Variants in INVS observed in about 807,000 individuals in gnomAD.
INVS encodes inversion of embryo turning homolog.
INVS carries 86 observed loss-of-function variants against 108.8 expected under a neutral mutation model. The observed-to-expected ratio is 0.79, with a 90% CI of 0.66 to 0.95. The LOEUF (loss-of-function observed/expected upper bound fraction) is 0.95, where lower values mean the gene tolerates loss of function less well. Among genes scored for constraint, INVS ranks in the 40% least tolerant of loss-of-function variants. The pLI, the probability that INVS is intolerant of heterozygous loss-of-function variation, is 0.00. For missense variants in INVS, 1,169 were observed against 1,297.4 expected (o/e 0.90, Z 1.52); for synonymous variants, 455 against 473.5 (o/e 0.96, Z 0.51).
At chr9:100,227,841 C>T (rs1306896039) in intron 4 of INVS, among the ~76,000 whole-genome samples, 1 of 152,124 alleles carries the variant, frequency 6.6e-6, no homozygotes, top group Non-Finnish European at 1.5e-5. Flanking sequence ...TCTTTGTTAT[C>T]GATCTTTGTA....
At chr9:100,170,570 A>AT (rs1458667463) in intron 3 of INVS, among the ~76,000 whole-genome samples, 1 of 151,754 alleles carries the variant, frequency 6.6e-6, no homozygotes, top group African/African-American at 2.4e-5. Context: ...GTCTCAAAAA[A>AT]AAAATAAAAT....
At chr9:100,204,160 C>T (rs575038830) in intron 3 of INVS, among the ~76,000 whole-genome samples, 2 of 152,222 alleles carry the variant, frequency 1.3e-5, no homozygotes, top group South Asian at 4.2e-4. Flanking sequence ...CAATGCCTTA[C>T]ACAAAGAAGG....
intron 10 of INVS, among the ~76,000 whole-genome samples, chr9:100,257,032 G>A (rs1044439362): frequency 4.6e-5 from 7 of 152,138 alleles, no homozygotes; most frequent in African/African-American, 1.7e-4. Flanking sequence ...CATGATTATT[G>A]TGTGGGAGTC....
chr9:100,255,507 T>A (rs1832388450), intron 10 of INVS, among the ~76,000 whole-genome samples: 1 of 152,194 alleles, frequency 6.6e-6, no homozygotes, highest in African/African-American at 2.4e-5. Flanking sequence ...TCAAAGGGAA[T>A]GCTTCCAGTT....
At chr9:100,246,869 A>G (rs1832064659) in intron 8 of INVS, 82 bp downstream of exon 8, 20 of 1,226,964 alleles carry the variant, frequency 1.6e-5, no homozygotes, top group East Asian at 2.3e-5. Context: ...TAAAATAGCA[A>G]CTTGAAATCA....
chr9:100,244,107 A>G (rs767582853), intron 7 of INVS, among the ~76,000 whole-genome samples: 12 of 152,156 alleles, frequency 7.9e-5, no homozygotes, highest in African/African-American at 1.4e-4. Flanking sequence ...TCAGATCTCT[A>G]AAATATCTTA....
At chr9:100,106,531 T>C (rs1588001984) in intron 2 of INVS, among the ~76,000 whole-genome samples, 1 of 152,202 alleles carries the variant, frequency 6.6e-6, no homozygotes, top group East Asian at 1.9e-4. Flanking sequence ...TTGAATAAGA[T>C]AGAAGTATAT....
At chr9:100,192,704 A>G (rs948996010) in intron 3 of INVS, among the ~76,000 whole-genome samples, 5 of 152,184 alleles carry the variant, frequency 3.3e-5, no homozygotes, top group African/African-American at 1.2e-4. Context: ...CAGATGCCAT[A>G]TATCTTGGGC....
intron 3 of INVS, among the ~76,000 whole-genome samples, chr9:100,134,160 A>G (rs1189281669): frequency 6.6e-6 from 1 of 151,964 alleles, no homozygotes; most frequent in Admixed American, 6.6e-5. Context: ...CTCATAGCTT[A>G]GCTCCCACAT....
intron 5 of INVS, among the ~76,000 whole-genome samples, chr9:100,235,167 T>A (rs1588110771): frequency 6.6e-6 from 1 of 152,168 alleles, no homozygotes; most frequent in Non-Finnish European, 1.5e-5. Context: ...GTCTGTTTTA[T>A]CAGAGACTAG....
chr9:100,272,755 A>G (rs777210988), intron 11 of INVS, 109 bp from the exon 12 acceptor site: 136 of 1,044,088 alleles, frequency 1.3e-4, no homozygotes, highest in Non-Finnish European at 2.0e-4. Flanking sequence ...GGAATATTCC[A>G]CATCTTAGAA....
intron 12 of INVS, among the ~76,000 whole-genome samples, chr9:100,277,449 G>A (rs1360307033): frequency 6.6e-6 from 1 of 152,136 alleles, no homozygotes; most frequent in Non-Finnish European, 1.5e-5. Context: ...ACTTCTCTGA[G>A]CCTCAGATTT....
intron 3 of INVS, among the ~76,000 whole-genome samples, chr9:100,181,472 A>G (rs566326371): frequency 2.0e-5 from 3 of 152,332 alleles, no homozygotes; most frequent in South Asian, 4.1e-4. Context: ...CTATACACCA[A>G]TAATAGACAA....
In INVS at chr9:100,301,139, TCACACACACACACACACA is replaced by T. The variant is rs10527613; in HGVS notation, c.*488_*505del. On this transcript the variant is annotated 3_prime_UTR_variant, in exon 17 of 17. Coordinates refer to ENST00000262457, the MANE Select transcript of INVS (RefSeq NM_014425.5). ...CCTGGCATCTAATGCAACAAACTTATCACACACACACACACACACACACACACACACACACACACATAT... is the reference window on the plus strand; with the variant it reads ...CCTGGCATCTAATGCAACAAACTTATCACACACACACACACACACACATAT... 849 of 167,888 alleles carry T rather than the reference TCACACACACACACACACA, an allele frequency of 5.1e-3. 11 individuals are homozygous for T. The highest frequency in any genetic ancestry group is 0.028 in the African/African-American group (781 of 27,722). 10.4% of individuals were successfully genotyped at this position (167,888 alleles called of 1,614,324 possible). A position where few individuals can be genotyped will look rare whatever the true frequency, so the allele number is the denominator to read the frequency against.
At chr9:100,120,293 G>A (rs564746261) in intron 2 of INVS, 3 of 152,266 alleles carry the variant, frequency 2.0e-5, no homozygotes, top group South Asian at 2.1e-4. Flanking sequence ...AAGGTAAGAA[G>A]GAAAAGATAC....
chr9:100,298,053 G>A, intron 16 of INVS, 43 bp downstream of exon 16: 3 of 1,613,894 alleles, frequency 1.9e-6, no homozygotes, highest in Non-Finnish European at 2.5e-6. Context: ...AAGAACATGG[G>A]GAAGCATTTT....
In INVS at chr9:100,300,652, C is replaced by CA. The variant is rs760013326; in HGVS notation, c.3182dup (p.Asn1061LysfsTer20). On this transcript the variant is annotated frameshift_variant, in exon 17 of 17. Coordinates refer to ENST00000262457, the MANE Select transcript of INVS (RefSeq NM_014425.5). LOFTEE classifies it high-confidence loss of function. ...TATAACCTGCAATCAGCTACTCAGC[C>CA]AAAAAACAAAACAAAACCTTGACTG... 176 of 1,613,004 alleles carry CA rather than the reference C, an allele frequency of 1.1e-4. 3 individuals are homozygous for CA. The highest frequency in any genetic ancestry group is 1.1e-3 in the African/African-American group (80 of 74,992).
chr9:100,131,778 TAAAG>T lies in INVS; in HGVS notation c.273+5232_273+5235del, dbSNP rs200288773. 2.3e-3 allele frequency: 731 copies of T among 321,014 alleles called. 5 individuals carry two copies. The highest frequency in any genetic ancestry group is 0.016 in the African/African-American group (694 of 44,694). 19.9% of individuals were successfully genotyped at this position (321,014 alleles called of 1,614,324 possible). A position where few individuals can be genotyped will look rare whatever the true frequency, so the allele number is the denominator to read the frequency against. Reference sequence around the variant, plus strand: ...ATTATATCACAGTAAACACAAAAATTAAAGAACCTTCTGGTTGTGGCTGCATTGT... The same window carrying T: ...ATTATATCACAGTAAACACAAAAATTAACCTTCTGGTTGTGGCTGCATTGT... On this transcript the variant is annotated intron_variant, in intron 3 of 16. Coordinates refer to ENST00000262457, the MANE Select transcript of INVS (RefSeq NM_014425.5).
chr9:100,208,728 T>C (rs575166618), intron 3 of INVS, among the ~76,000 whole-genome samples: 1 of 152,318 alleles, frequency 6.6e-6, no homozygotes, highest in South Asian at 2.1e-4. Flanking sequence ...TAAAATATGA[T>C]GTTTTAATAA....
Sources: gnomAD v4.1 joint callset for allele counts (sites outside exome capture counted in the v4.1 genomes callset) on GRCh38, gnomAD v4.1.1 for gene constraint, MANE v1.5 for transcripts, NCBI Gene and HGNC (gene_info 2026-07-23, HGNC 2026-07-21) for gene names.